Variants in RFWD3 observed in about 807,000 individuals in gnomAD.
RFWD3 encodes the protein ring finger and WD repeat domain 3, also known as E3 ubiquitin-protein ligase RFWD3.
A neutral mutation model predicts 87.7 loss-of-function variants in RFWD3; 65 were observed. The ratio of observed to expected loss-of-function variants is 0.74; its 90% CI spans 0.61 to 0.91. The LOEUF is 0.91. Among genes scored for constraint, RFWD3 ranks in the 40% least tolerant of loss-of-function variants. RFWD3 has a pLI of 0.00. For synonymous variants in RFWD3, 433 were observed against 352.8 expected (o/e 1.23, Z -2.55); for missense variants, 1,078 against 938.5 (o/e 1.15, Z -1.94).
At chr16:74,664,228 G>C (rs907111523) in intron 1 of RFWD3, 2 of 152,180 alleles carry the variant, frequency 1.3e-5, no homozygotes, top group Admixed American at 6.5e-5. Context: ...TGGGATTACA[G>C]GAGTGAGCTA....
intron 1 of RFWD3, among the ~76,000 whole-genome samples, chr16:74,666,089 G>A (rs1321576427): frequency 6.6e-6 from 1 of 152,044 alleles, no homozygotes; most frequent in Non-Finnish European, 1.5e-5. Flanking sequence ...AGAGGGAGAC[G>A]GGAGGGGAAG....
chr16:74,643,795 C>T (rs1959872704), intron 6 of RFWD3, among the ~76,000 whole-genome samples: 1 of 151,536 alleles, frequency 6.6e-6, no homozygotes, highest in Non-Finnish European at 1.5e-5. Context: ...CCTGTCTCAG[C>T]CTCCTCAGTA....
chr16:74,666,399 T>C (rs1408695446), intron 1 of RFWD3: 1 of 152,120 alleles, frequency 6.6e-6, no homozygotes, highest in Non-Finnish European at 1.5e-5. Flanking sequence ...TTTAAAGTGA[T>C]GAAGTAATCG....
intron 8 of RFWD3, among the ~76,000 whole-genome samples, chr16:74,635,685 C>CTTAG (rs763042539): frequency 6.6e-6 from 1 of 152,122 alleles, no homozygotes; most frequent in Non-Finnish European, 1.5e-5. Context: ...TTATTAAAAA[C>CTTAG]TTAGATGGGA....
At chr16:74,643,827 C>T (rs1403053086) in intron 6 of RFWD3, among the ~76,000 whole-genome samples, 1 of 152,096 alleles carries the variant, frequency 6.6e-6, no homozygotes, top group Non-Finnish European at 1.5e-5. Context: ...AGGCGTCCGC[C>T]ACTATGCCCG....
intron 12 of RFWD3, among the ~76,000 whole-genome samples, chr16:74,625,048 G>C (rs1958886587): frequency 6.6e-6 from 1 of 151,926 alleles, no homozygotes; most frequent in Non-Finnish European, 1.5e-5. Flanking sequence ...TTAAAAAGTA[G>C]AGCTAGCCGG....
At chr16:74,641,365 G>A (rs1193269509) in intron 6 of RFWD3, among the ~76,000 whole-genome samples, 1 of 151,948 alleles carries the variant, frequency 6.6e-6, no homozygotes, top group Non-Finnish European at 1.5e-5. Context: ...GTTTCACCAT[G>A]TTGGCCAGGC....
chr16:74,656,581 C>T (rs956955764), intron 2 of RFWD3, among the ~76,000 whole-genome samples: 10 of 152,116 alleles, frequency 6.6e-5, no homozygotes, highest in East Asian at 1.9e-4. Flanking sequence ...CCCCAACCTC[C>T]TAAGTAGCTG....
In RFWD3 at chr16:74,622,852, G is replaced by A. The variant is rs534905668; in HGVS notation, c.*1076C>T. 5.3e-5 allele frequency: 8 copies of A among 152,294 alleles called. No individual in the cohort carries two copies. In the South Asian group the frequency reaches 1.7e-3, roughly 32 times the overall value. 9.4% of individuals were successfully genotyped at this position (152,294 alleles called of 1,614,324 possible). On this transcript the variant is annotated 3_prime_UTR_variant, in exon 13 of 13. Coordinates refer to ENST00000361070, the MANE Select transcript of RFWD3 (RefSeq NM_018124.4). ...TGGAATCAAACATCAGCTTCACATGGGGAAGGCTTTAACTGGATAACTGGA... is the reference window on the plus strand; with the variant it reads ...TGGAATCAAACATCAGCTTCACATGAGGAAGGCTTTAACTGGATAACTGGA...
At chr16:74,650,158 T>G (rs1960456479) in intron 3 of RFWD3, among the ~76,000 whole-genome samples, 1 of 152,180 alleles carries the variant, frequency 6.6e-6, no homozygotes, top group Non-Finnish European at 1.5e-5. Flanking sequence ...CCCCACTGAT[T>G]TGAGATATTC....
intron 3 of RFWD3, among the ~76,000 whole-genome samples, chr16:74,650,373 T>C (rs1348867241): frequency 6.8e-6 from 1 of 147,378 alleles, no homozygotes; most frequent in Admixed American, 6.9e-5. Context: ...TTTTTGGCAA[T>C]GGGGGTGGGG....
Position 74,630,820 on chromosome 16 carries a change from G to A in RFWD3, c.1715C>T (p.Thr572Met), listed in dbSNP as rs558687934. Reference protein sequence around the residue: ...GSILVYDVRNTSSHVQELVAQ... With the variant: ...GSILVYDVRNMSSHVQELVAQ... ...TACTAACTCCTGCACATGACTGCTC[G>A]TGTTTCGCACGTCATATACCAGAAT... Residue 572 changes from threonine (T) to methionine (M), a missense_variant, in exon 10 of 13, where the codon ACG becomes ATG. By Grantham distance (81) the Thr-to-Met change is moderately conservative. Coordinates refer to ENST00000361070, the MANE Select transcript of RFWD3 (RefSeq NM_018124.4). The A allele has an allele frequency of 1.5e-5, 24 of 1,612,714 alleles. No homozygotes were observed. Among genetic ancestry groups the A allele is most frequent in the Admixed American group, 1.2e-4 (7 of 59,736 alleles).
intron 1 of RFWD3, among the ~76,000 whole-genome samples, chr16:74,662,570 A>C (rs778143194): frequency 2.0e-5 from 3 of 152,224 alleles, no homozygotes; most frequent in Non-Finnish European, 4.4e-5. Context: ...GTACTCTTTT[A>C]AAGAGTGAAA....
intron 1 of RFWD3, among the ~76,000 whole-genome samples, chr16:74,666,041 A>AGAGAGG (rs895891877): frequency 4.6e-5 from 7 of 151,958 alleles, no homozygotes; most frequent in South Asian, 4.2e-4. Context: ...AGGGAGGAAG[A>AGAGAGG]GAGAGGGAGA....
rs772096137 is a variant in RFWD3 at position 74,626,362 on chromosome 16, T to A, written c.2162A>T (p.Glu721Val). 1 of 1,614,176 alleles carries A rather than the reference T, an allele frequency of 6.2e-7. No homozygotes were observed. Among genetic ancestry groups the A allele is most frequent in the South Asian group, 1.1e-5 (1 of 91,088 alleles). The part of the protein sequence containing the change: ...DGNILVCTGD[E>V]AANSALLWDA... ...GCTCACCAGGGCAGAATTTGCTGCTTCATCCCCAGTACACACCAGGATGTT... is the reference window on the plus strand; with the variant it reads ...GCTCACCAGGGCAGAATTTGCTGCTACATCCCCAGTACACACCAGGATGTT... Residue 721 changes from glutamate (E) to valine (V), a missense_variant, in exon 12 of 13, where the codon GAA (glutamate) becomes GTA (valine). Transcript: ENST00000361070.
chr16:74,657,226 C>G (rs1483525813), intron 2 of RFWD3, among the ~76,000 whole-genome samples: 1 of 152,160 alleles, frequency 6.6e-6, no homozygotes, highest in African/African-American at 2.4e-5. Flanking sequence ...TGATTACAGG[C>G]AGATGCTTTT....
At chr16:74,635,881 A>T (rs1234012073) in intron 8 of RFWD3, among the ~76,000 whole-genome samples, 10 of 152,372 alleles carry the variant, frequency 6.6e-5, no homozygotes, top group Middle Eastern at 6.8e-3. Flanking sequence ...ACATGTTGAG[A>T]GAAAATTAAC....
At chr16:74,657,996 T>C (rs1213800792) in intron 2 of RFWD3, among the ~76,000 whole-genome samples, 1 of 152,198 alleles carries the variant, frequency 6.6e-6, no homozygotes, top group East Asian at 1.9e-4. Context: ...AAAATCACTC[T>C]TTAATATTGC....
intron 4 of RFWD3, among the ~76,000 whole-genome samples, chr16:74,648,854 G>A (rs111667788): frequency 0.074 from 11,325 of 152,112 alleles, 706 homozygotes; most frequent in Admixed American, 0.2. Flanking sequence ...GGGAGGCCGA[G>A]GCAGGACGAT....
Sources: gnomAD v4.1 joint callset for allele counts (sites outside exome capture counted in the v4.1 genomes callset) on GRCh38, gnomAD v4.1.1 for gene constraint, MANE v1.5 for transcripts, NCBI Gene and HGNC (gene_info 2026-07-23, HGNC 2026-07-21) for gene names.